The following ST3GAL1 variants were observed in gnomAD, a reference collection of about 807,000 sequenced individuals.
ST3GAL1 encodes ST3 beta-galactoside alpha-2,3-sialyltransferase 1, also known as CMP-N-acetylneuraminate-beta-galactosamide-alpha-2,3-sialyltransferase 1.
In ST3GAL1, 16 loss-of-function variants were observed where a neutral mutation model predicts 34.1. That is an observed-to-expected ratio of 0.47 (90% CI 0.32 to 0.71). The LOEUF is 0.71. Ranked by LOEUF, ST3GAL1 falls within the 30% of genes least tolerant of loss-of-function variation. The probability of loss-of-function intolerance (pLI) is 0.04; values close to 1 mark genes in which losing one functional copy is unlikely to be tolerated. For synonymous variants in ST3GAL1, 191 were observed against 184.7 expected, an observed-to-expected ratio of 1.03 and a Z score of -0.28; for missense variants, 353 against 447.4, an observed-to-expected ratio of 0.79 and a Z score of 1.90.
chr8:133,543,529 G>A (rs1818593265), intron 2 of ST3GAL1, among the ~76,000 whole-genome samples: 1 of 152,032 alleles, frequency 6.6e-6, no homozygotes, highest in South Asian at 2.1e-4. Context: ...CTGGACGAAG[G>A]AGGTCCAGGA....
intron 2 of ST3GAL1, among the ~76,000 whole-genome samples, chr8:133,542,779 C>CA (rs35321251): frequency 0.015 from 1,309 of 85,294 alleles, 16 homozygotes; most frequent in Non-Finnish European, 0.019. Context: ...TCCTCCATCT[C>CA]AAAAAAAAAA....
intron 1 of ST3GAL1, among the ~76,000 whole-genome samples, chr8:133,567,984 G>T (rs1050618643): frequency 6.7e-6 from 1 of 149,598 alleles, no homozygotes; most frequent in Non-Finnish European, 1.5e-5. Context: ...GCCATGGCAC[G>T]ATCTCAGCTC....
intron 2 of ST3GAL1, among the ~76,000 whole-genome samples, chr8:133,529,814 G>C (rs1818090813): frequency 6.6e-6 from 1 of 152,112 alleles, no homozygotes; most frequent in Non-Finnish European, 1.5e-5. Context: ...TTTGAGGGCT[G>C]TCCCCCAGAC....
At chr8:133,553,335 T>A (rs1818914408) in intron 1 of ST3GAL1, among the ~76,000 whole-genome samples, 2 of 152,116 alleles carry the variant, frequency 1.3e-5, no homozygotes, top group African/African-American at 4.8e-5. Flanking sequence ...AGATCCCAGC[T>A]CCTGTTTCAC....
intron 2 of ST3GAL1, among the ~76,000 whole-genome samples, chr8:133,536,837 T>C (rs1324562747): frequency 1.3e-5 from 2 of 152,112 alleles, no homozygotes; most frequent in Admixed American, 6.5e-5. Context: ...GGAAACCAAG[T>C]CTCAGAAAGT....
intron 3 of ST3GAL1, among the ~76,000 whole-genome samples, chr8:133,490,020 T>C (rs1051907187): frequency 6.6e-6 from 1 of 152,132 alleles, no homozygotes; most frequent in African/African-American, 2.4e-5. Context: ...GCCTGACCCA[T>C]CCATAGCTAA....
intron 5 of ST3GAL1, among the ~76,000 whole-genome samples, chr8:133,474,988 A>G (rs1816112213): frequency 6.6e-6 from 1 of 152,240 alleles, no homozygotes; most frequent in South Asian, 2.1e-4. Flanking sequence ...GTGGCTCCCA[A>G]AAAGATACGT....
At chr8:133,538,171 T>C (rs1447591812) in intron 2 of ST3GAL1, among the ~76,000 whole-genome samples, 1 of 152,190 alleles carries the variant, frequency 6.6e-6, no homozygotes. Flanking sequence ...ATGTTTTTGT[T>C]TTTTGCTGCT....
intron 3 of ST3GAL1, among the ~76,000 whole-genome samples, chr8:133,479,346 G>A (rs751927303): frequency 1.3e-5 from 2 of 152,012 alleles, no homozygotes; most frequent in African/African-American, 2.4e-5. Flanking sequence ...TGGGGGGTGA[G>A]GGGGAATCTG....
chr8:133,524,102 T>G (rs1319461138), intron 2 of ST3GAL1, among the ~76,000 whole-genome samples: 2 of 152,228 alleles, frequency 1.3e-5, no homozygotes, highest in African/African-American at 2.4e-5. Context: ...AAAAACTGAC[T>G]GATACACTCT....
Position 133,459,091 on chromosome 8 carries a change from C to T in ST3GAL1, c.*673G>A, listed in dbSNP as rs1378207568. 1.3e-5 allele frequency: 2 copies of T among 152,172 alleles called. No individual in the cohort carries two copies. The highest frequency in any genetic ancestry group is 2.9e-5 in the Non-Finnish European group (2 of 68,112). The allele number at this position is 152,172 out of a possible 1,614,324, so 9.4% of individuals were successfully genotyped here. A position where few individuals can be genotyped will look rare whatever the true frequency, so the allele number is the denominator to read the frequency against. The stretch of plus-strand genomic sequence containing the variant: ...TTTATTTTTGTAGAGACAGGAGTCT[C>T]ACTATGTTGCCCAGGCTGGTCTTGA... On this transcript the variant is annotated 3_prime_UTR_variant, in exon 10 of 10. Coordinates refer to ENST00000522652, the MANE Select transcript of ST3GAL1 (RefSeq NM_173344.3). This position sits in a 1 kb window ranked among gnomAD's most constrained non-coding sequence, Gnocchi z 4.7.
chr8:133,510,641 C>T (rs917400656), intron 2 of ST3GAL1, among the ~76,000 whole-genome samples: 7 of 152,118 alleles, frequency 4.6e-5, no homozygotes, highest in African/African-American at 1.7e-4. Flanking sequence ...AATTAATTAG[C>T]TAATTAATTA....
At chr8:133,516,469 T>C (rs1042900503) in intron 2 of ST3GAL1, among the ~76,000 whole-genome samples, 8 of 152,212 alleles carry the variant, frequency 5.3e-5, no homozygotes, top group Non-Finnish European at 2.9e-5. Flanking sequence ...ACACTCCCCA[T>C]CCATTCTTGG....
intron 2 of ST3GAL1, among the ~76,000 whole-genome samples, chr8:133,532,305 C>T (rs1307434942): frequency 6.6e-6 from 1 of 152,050 alleles, no homozygotes; most frequent in Non-Finnish European, 1.5e-5. Context: ...AACCCCATCT[C>T]TACTAAAAAT....
At chr8:133,538,750 C>T (rs1456238594) in intron 2 of ST3GAL1, among the ~76,000 whole-genome samples, 4 of 152,178 alleles carry the variant, frequency 2.6e-5, no homozygotes, top group East Asian at 1.9e-4. Flanking sequence ...TTCCATTCTG[C>T]GGCTGTACTG....
chr8:133,521,902 G>C (rs1460997040), intron 2 of ST3GAL1, among the ~76,000 whole-genome samples: 1 of 152,122 alleles, frequency 6.6e-6, no homozygotes, highest in Non-Finnish European at 1.5e-5. Context: ...CTTTCTGGGA[G>C]AGTGGTTTCT....
chr8:133,484,586 G>A (rs901266106), intron 3 of ST3GAL1, among the ~76,000 whole-genome samples: 2 of 152,300 alleles, frequency 1.3e-5, no homozygotes, highest in Middle Eastern at 3.4e-3. Context: ...TGGAAGCTGA[G>A]TGTGTGGAAC....
In ST3GAL1 at chr8:133,456,274, C is replaced by T. The variant is rs1224933500; in HGVS notation, c.*3490G>A. On this transcript the variant is annotated 3_prime_UTR_variant, in exon 10 of 10. Transcript: ENST00000522652. ...AGCTCCAGCTATAGCAAATCAGTGC[C>T]CTGACTCACTGGGGAGACCCAGGGG... 2.0e-5 allele frequency: 3 copies of T among 149,686 alleles called. No homozygotes were observed. Among genetic ancestry groups the T allele is most frequent in the Non-Finnish European group, 4.4e-5 (3 of 67,482 alleles). 9.3% of individuals were successfully genotyped at this position (149,686 alleles called of 1,614,324 possible).
intron 1 of ST3GAL1, among the ~76,000 whole-genome samples, chr8:133,569,859 C>T (rs1361846156): frequency 6.6e-6 from 1 of 152,222 alleles, no homozygotes; most frequent in Admixed American, 6.5e-5. Flanking sequence ...TCAGGAGGCT[C>T]CGCCCGCAGC....
Sources: allele counts gnomAD v4.1 joint callset (sites outside exome capture counted in the v4.1 genomes callset), GRCh38; gene constraint gnomAD v4.1.1; non-coding constraint Gnocchi (gnomAD v3.1); transcripts MANE v1.5; gene names NCBI Gene and HGNC (gene_info 2026-07-23, HGNC 2026-07-21).